RPGRIP1L: variants seen among roughly 807,000 people sequenced by gnomAD.
RPGRIP1L encodes the protein protein fantom.
In RPGRIP1L, 131 loss-of-function variants were observed where a neutral mutation model predicts 160.4. The ratio of observed to expected loss-of-function variants is 0.82; its 90% confidence interval spans 0.71 to 0.94. The LOEUF is 0.94. Among genes scored for constraint, RPGRIP1L ranks in the 40% least tolerant of loss-of-function variants. RPGRIP1L has a pLI of 0.00. For synonymous variants in RPGRIP1L, 510 were observed against 515.8 expected (o/e 0.99, Z 0.15); for missense variants, 1,522 against 1,535.8 (o/e 0.99, Z 0.15).
chr16:53,648,041 T>C (rs1007573133), intron 16 of RPGRIP1L, among the ~76,000 whole-genome samples: 6 of 148,962 alleles, frequency 4.0e-5, no homozygotes, highest in African/African-American at 1.2e-4. Flanking sequence ...GAGGCGGAGC[T>C]TGCAGTGAGC....
At chr16:53,614,344 A>G (rs1178256780) in intron 24 of RPGRIP1L, among the ~76,000 whole-genome samples, 1 of 152,184 alleles carries the variant, frequency 6.6e-6, no homozygotes, top group Non-Finnish European at 1.5e-5. Context: ...ATTGTGTATC[A>G]CAACCCCTTA....
At chr16:53,668,544 T>C (rs566235428) in intron 9 of RPGRIP1L, among the ~76,000 whole-genome samples, 1 of 152,144 alleles carries the variant, frequency 6.6e-6, no homozygotes, top group Non-Finnish European at 1.5e-5. Flanking sequence ...GGGGTGCAGA[T>C]GGATAGGCGA....
rs776795273 is a variant in RPGRIP1L, at chr16:53,641,349, C to A, written c.2810G>T (p.Arg937Leu). ...ITTEDLGNFI[R>L]SEEPEVVQRL... ...TTGAACAACTTCTGGCTCTTCGCTG[C>A]GAATGAAATTTCCTAAGTCTTCAGT... is the stretch of plus-strand genomic sequence containing the variant. The change falls in exon 18 of 27, where the codon CGC becomes CTC. Residue 937 changes from arginine to leucine, a missense_variant. By Grantham distance (102) the Arg-to-Leu change is moderately radical. Transcript: ENST00000647211. 22 of 1,613,904 alleles carry A rather than the reference C, an allele frequency of 1.4e-5. No homozygotes were observed. In the South Asian group the frequency reaches 2.2e-4, roughly 16 times the overall value.
At chr16:53,621,039 TATAC>T (rs1598247029) in intron 23 of RPGRIP1L, among the ~76,000 whole-genome samples, 1 of 152,304 alleles carries the variant, frequency 6.6e-6, no homozygotes, top group East Asian at 1.9e-4. Flanking sequence ...AAAAAAGTGC[TATAC>T]ATACTTATTT....
chr16:53,608,328 T>C (rs1963814750), intron 25 of RPGRIP1L, among the ~76,000 whole-genome samples: 1 of 152,234 alleles, frequency 6.6e-6, no homozygotes, highest in South Asian at 2.1e-4. Context: ...ACTGTTACTT[T>C]CTATTTTGGC....
At chr16:53,637,396 G>C (rs925255906) in intron 21 of RPGRIP1L, among the ~76,000 whole-genome samples, 3 of 152,102 alleles carry the variant, frequency 2.0e-5, no homozygotes, top group Non-Finnish European at 4.4e-5. Context: ...CTACGCTAAT[G>C]CAAATAATAA....
chr16:53,610,600 T>C (rs1963969302), intron 25 of RPGRIP1L, among the ~76,000 whole-genome samples: 1 of 152,218 alleles, frequency 6.6e-6, no homozygotes, highest in African/African-American at 2.4e-5. Flanking sequence ...CTGAGGTCAG[T>C]CAGCTAGTAA....
intron 6 of RPGRIP1L, among the ~76,000 whole-genome samples, chr16:53,677,378 T>A (rs1388885338): frequency 1.3e-5 from 2 of 152,220 alleles, no homozygotes; most frequent in Non-Finnish European, 2.9e-5. Context: ...ATGCTAAACT[T>A]GTAAGTCTTT....
chr16:53,605,691 G>T, intron 25 of RPGRIP1L, 77 bp from the exon 26 acceptor site: 1 of 1,419,170 alleles, frequency 7.0e-7, no homozygotes, highest in Non-Finnish European at 9.9e-7. Flanking sequence ...CAAATGGGGT[G>T]TTATCACTAG....
chr16:53,615,472 ATTT>A (rs1166401715), intron 24 of RPGRIP1L, among the ~76,000 whole-genome samples: 2 of 75,054 alleles, frequency 2.7e-5, no homozygotes, highest in Non-Finnish European at 4.8e-5. Flanking sequence ...ATATATATAT[ATTT>A]TTTTTTTTTT....
At chr16:53,611,615 G>T (rs1441175791) in intron 24 of RPGRIP1L, among the ~76,000 whole-genome samples, 2 of 152,208 alleles carry the variant, frequency 1.3e-5, no homozygotes, top group East Asian at 3.9e-4. Flanking sequence ...TGAGGTTTTT[G>T]GTTTTAAAGG....
chr16:53,668,209 C>G (rs1225101589), intron 9 of RPGRIP1L, among the ~76,000 whole-genome samples: 1 of 152,074 alleles, frequency 6.6e-6, no homozygotes, highest in Non-Finnish European at 1.5e-5. Flanking sequence ...ATAAGCTGCT[C>G]ATATTTGATC....
chr16:53,623,125 T>C (rs1964847888), intron 22 of RPGRIP1L, among the ~76,000 whole-genome samples: 1 of 152,204 alleles, frequency 6.6e-6, no homozygotes, highest in Non-Finnish European at 1.5e-5. Context: ...TTGTTTCTTT[T>C]CCATTTTTTA....
At chr16:53,619,473 A>T (rs1964581190) in intron 23 of RPGRIP1L, among the ~76,000 whole-genome samples, 1 of 152,182 alleles carries the variant, frequency 6.6e-6, no homozygotes, top group Non-Finnish European at 1.5e-5. Context: ...TAAATACCCC[A>T]CTAGTAGTCT....
In RPGRIP1L at chr16:53,687,931, A is replaced by T. The variant is rs1408780343; in HGVS notation, c.564T>A (p.Thr188=). 6.2e-7 allele frequency: 1 copy of T among 1,610,538 alleles called. No homozygotes were observed. Among genetic ancestry groups the T allele is most frequent in the Non-Finnish European group, 8.5e-7 (1 of 1,177,206 alleles). Residue 188 remains threonine, a synonymous_variant, in exon 5 of 27, where the codon ACT becomes ACA. Transcript: ENST00000647211. ...IKFQDADVAE[T]PHPMFTKYGN... ...CATATTTTGTAAACATGGGATGTGG[A>T]GTTTCTGCTACATCTGCATCTTGGA...
At chr16:53,636,895 TAAAA>T (rs1203857174) in intron 21 of RPGRIP1L, among the ~76,000 whole-genome samples, 1 of 151,254 alleles carries the variant, frequency 6.6e-6, no homozygotes, top group African/African-American at 2.4e-5. Context: ...TTTGTTGAAA[TAAAA>T]CTGACAGACA....
intron 24 of RPGRIP1L, among the ~76,000 whole-genome samples, chr16:53,616,110 A>G (rs1234743938): frequency 6.6e-6 from 1 of 152,194 alleles, no homozygotes; most frequent in Non-Finnish European, 1.5e-5. Context: ...TCTCTACTGC[A>G]TGCTGTTCAA....
intron 9 of RPGRIP1L, among the ~76,000 whole-genome samples, chr16:53,669,509 G>GA (rs1394981954): frequency 6.6e-6 from 1 of 151,608 alleles, no homozygotes; most frequent in Non-Finnish European, 1.5e-5. Context: ...TTCTAATATG[G>GA]AAAGATAAAG....
chr16:53,689,333 C>T (rs1970236494), intron 4 of RPGRIP1L, among the ~76,000 whole-genome samples: 1 of 151,894 alleles, frequency 6.6e-6, no homozygotes, highest in Non-Finnish European at 1.5e-5. Flanking sequence ...AACACTAGAA[C>T]TTTTTCTTAT....
Sources: gnomAD v4.1 joint callset for allele counts (sites outside exome capture counted in the v4.1 genomes callset) on GRCh38, gnomAD v4.1.1 for gene constraint, MANE v1.5 for transcripts, NCBI Gene and HGNC (gene_info 2026-07-23, HGNC 2026-07-21) for gene names.